The following SPMAP2L variants were observed in gnomAD, a reference collection of about 807,000 sequenced individuals.
SPMAP2L encodes the protein sperm microtubule associated protein 2-like.
the SPMAP2L span, among the ~76,000 whole-genome samples, chr4:56,544,516 C>T: frequency 2.0e-5 from 3 of 151,762 alleles, no homozygotes; most frequent in African/African-American, 7.3e-5. Context: ...TTTGAAGAGG[C>T]GAAAAAACGT....
chr4:56,535,608 C>T, the SPMAP2L span, among the ~76,000 whole-genome samples: 2 of 152,142 alleles, frequency 1.3e-5, no homozygotes, highest in South Asian at 4.1e-4. Flanking sequence ...ATGAGTCTTG[C>T]TGATGCTCCC....
chr4:56,594,843 C>T, the SPMAP2L span: 4 of 1,599,498 alleles, frequency 2.5e-6, no homozygotes, highest in East Asian at 2.2e-5. Context: ...CTAGACGGGG[C>T]AAATATGAAC....
the SPMAP2L span, among the ~76,000 whole-genome samples, chr4:56,561,902 T>G: frequency 6.6e-6 from 1 of 152,096 alleles, no homozygotes; most frequent in Non-Finnish European, 1.5e-5. Flanking sequence ...TTTTGTATTT[T>G]TAATAGAGAC....
At chr4:56,563,385 C>T in the SPMAP2L span, among the ~76,000 whole-genome samples, 5 of 151,162 alleles carry the variant, frequency 3.3e-5, no homozygotes, top group African/African-American at 7.3e-5. Context: ...ATTACAGGTG[C>T]GAGCCACAGT....
the SPMAP2L span, among the ~76,000 whole-genome samples, chr4:56,600,097 C>CTTTTTT: frequency 3.5e-3 from 305 of 87,816 alleles, no homozygotes; most frequent in African/African-American, 4.5e-3. Context: ...TCTTTGCTTT[C>CTTTTTT]TTTTTTTTTT....
chr4:56,613,529 C>T, the SPMAP2L span, among the ~76,000 whole-genome samples: 1 of 152,166 alleles, frequency 6.6e-6, no homozygotes, highest in African/African-American at 2.4e-5. Flanking sequence ...GCGACTCAGG[C>T]AGGCGGACAT....
At chr4:56,583,568 C>G in the SPMAP2L span, among the ~76,000 whole-genome samples, 2 of 152,024 alleles carry the variant, frequency 1.3e-5, no homozygotes, top group Non-Finnish European at 2.9e-5. Flanking sequence ...ATATTAGGCT[C>G]GTAGGTTTGT....
the SPMAP2L span, among the ~76,000 whole-genome samples, chr4:56,565,679 T>C: frequency 2.0e-5 from 3 of 152,188 alleles, no homozygotes; most frequent in Non-Finnish European, 4.4e-5. Flanking sequence ...TCAGGCTATA[T>C]GTATTAGGTA....
chr4:56,573,019 A>G, the SPMAP2L span, among the ~76,000 whole-genome samples: 2,628 of 150,676 alleles, frequency 0.017, 95 homozygotes, highest in African/African-American at 0.06. Context: ...CTATCTCCAA[A>G]AAAAAAAAAA....
chr4:56,571,528 G>A, the SPMAP2L span, among the ~76,000 whole-genome samples: 1 of 151,940 alleles, frequency 6.6e-6, no homozygotes, highest in Non-Finnish European at 1.5e-5. Flanking sequence ...CGTTGCCCAG[G>A]CTGGTCTCAA....
the SPMAP2L span, among the ~76,000 whole-genome samples, chr4:56,565,854 T>G: frequency 6.6e-6 from 1 of 152,198 alleles, no homozygotes; most frequent in Non-Finnish European, 1.5e-5. Flanking sequence ...TTGACCCTTT[T>G]TTATCATTGG....
At chr4:56,616,460 G>A in the SPMAP2L span, among the ~76,000 whole-genome samples, 1 of 152,138 alleles carries the variant, frequency 6.6e-6, no homozygotes, top group East Asian at 1.9e-4. Flanking sequence ...GCTGCTTGCT[G>A]GGCATGTGGA....
chr4:56,566,000 T>C, the SPMAP2L span, among the ~76,000 whole-genome samples: 1 of 152,322 alleles, frequency 6.6e-6, no homozygotes, highest in Admixed American at 6.5e-5. Flanking sequence ...ACATTAAAAG[T>C]ACATTTGTTA....
the SPMAP2L span, among the ~76,000 whole-genome samples, chr4:56,606,937 G>A: frequency 6.6e-6 from 1 of 152,112 alleles, no homozygotes; most frequent in East Asian, 1.9e-4. Context: ...TAGTTTGTTG[G>A]TACCATGGTG....
At chr4:56,541,936 T>G in the SPMAP2L span, among the ~76,000 whole-genome samples, 3 of 152,134 alleles carry the variant, frequency 2.0e-5, no homozygotes, top group African/African-American at 7.2e-5. Context: ...AGGCATGAGC[T>G]GTCATGCCCT....
At chr4:56,611,371 G>C in the SPMAP2L span, among the ~76,000 whole-genome samples, 1 of 152,170 alleles carries the variant, frequency 6.6e-6, no homozygotes, top group Non-Finnish European at 1.5e-5. Flanking sequence ...TGGGAGATAA[G>C]CTATGAGGAT....
the SPMAP2L span, chr4:56,548,707 T>A: frequency 1.0e-6 from 1 of 971,730 alleles, no homozygotes; most frequent in Non-Finnish European, 1.4e-6. Context: ...AACTCCTTTC[T>A]CTTTTAATTT....
At chr4:56,603,598 G>A in the SPMAP2L span, 1 of 276,466 alleles carries the variant, frequency 3.6e-6, no homozygotes, top group African/African-American at 2.2e-5. Flanking sequence ...CAAGCATCTT[G>A]GCTGCCTCAT....
chr4:56,582,067 G>C, the SPMAP2L span, among the ~76,000 whole-genome samples: 1 of 152,116 alleles, frequency 6.6e-6, no homozygotes, highest in Non-Finnish European at 1.5e-5. Flanking sequence ...AAAACTCATA[G>C]AGAAAAACAC....
Sources: allele counts gnomAD v4.1 joint callset (sites outside exome capture counted in the v4.1 genomes callset), GRCh38; gene constraint gnomAD v4.1.1; transcripts MANE v1.5; gene names NCBI Gene and HGNC (gene_info 2026-07-23, HGNC 2026-07-21).